TAMM41: variants seen among roughly 807,000 people sequenced by gnomAD.
TAMM41 encodes the protein phosphatidate cytidylyltransferase, mitochondrial.
A neutral mutation model predicts 44.1 loss-of-function variants in TAMM41; 36 were observed. The ratio of observed to expected loss-of-function variants is 0.82; its 90% CI spans 0.63 to 1.08. The LOEUF (loss-of-function observed/expected upper bound fraction) is 1.08, where lower values mean the gene tolerates loss of function less well. Ranked by LOEUF, TAMM41 falls within the 50% of genes least tolerant of loss-of-function variation. The pLI, the probability that TAMM41 is intolerant of heterozygous loss-of-function variation, is 0.00. For synonymous variants in TAMM41, 164 were observed against 153.1 expected (o/e 1.07, Z -0.53); for missense variants, 417 against 404.3 (o/e 1.03, Z -0.27).
At chr3:11,723,867 T>C in the TAMM41 span, among the ~76,000 whole-genome samples, 228 of 152,024 alleles carry the variant, frequency 1.5e-3, 1 homozygote, top group African/African-American at 5.2e-3. Flanking sequence ...GCCAGAAGTG[T>C]ATTTTAAAAA....
At chr3:11,773,159 A>G in the TAMM41 span, among the ~76,000 whole-genome samples, 1 of 152,070 alleles carries the variant, frequency 6.6e-6, no homozygotes, top group African/African-American at 2.4e-5. Context: ...GTTTCACCAT[A>G]TGGGACAGGC....
the TAMM41 span, among the ~76,000 whole-genome samples, chr3:11,742,224 C>G: frequency 6.7e-6 from 1 of 150,082 alleles, no homozygotes; most frequent in Non-Finnish European, 1.5e-5. Flanking sequence ...TAACCCCACT[C>G]CCCTCCCCTC....
At chr3:11,813,780 T>C (rs540840652) in intron 5 of TAMM41, among the ~76,000 whole-genome samples, 149 of 151,510 alleles carry the variant, frequency 9.8e-4, no homozygotes, top group Non-Finnish European at 1.7e-3. Flanking sequence ...TGGGACCCTG[T>C]CTCTACAAAA....
chr3:11,790,495 G>T lies in TAMM41; in HGVS notation c.*10C>A. ...TCATCTACACATAACATATATAAAA[G>T]CAAGCAAAATCAGGATGTTTTCCTC... On this transcript the variant is annotated 3_prime_UTR_variant, in exon 8 of 8. Transcript: ENST00000455809. The T allele has an allele frequency of 6.2e-7, 1 of 1,612,526 alleles. No individual in the cohort carries two copies. The highest frequency in any genetic ancestry group is 8.5e-7 in the Non-Finnish European group (1 of 1,178,728).
chr3:11,778,517 G>A, the TAMM41 span, among the ~76,000 whole-genome samples: 2 of 152,180 alleles, frequency 1.3e-5, no homozygotes, highest in Non-Finnish European at 2.9e-5. Context: ...GGAACTGACA[G>A]TTTCCTCAGC....
Position 11,838,373 on chromosome 3 carries a change from G to A in TAMM41, c.411+849C>T, listed in dbSNP as rs9812401. On this transcript the variant is annotated intron_variant, in intron 3 of 7. Transcript: ENST00000455809. ...TGGGATTGCAGGCATGTGCCACCAC[G>A]CCCAGGTACCTTTTTTGTATTTTTA... Among the ~76,000 whole-genome samples, 1,244 of 152,190 alleles carry A rather than the reference G, an allele frequency of 8.2e-3. 16 individuals carry two copies. Among genetic ancestry groups the A allele is most frequent in the African/African-American group, 0.028 (1,166 of 41,512 alleles).
At chr3:11,825,881 T>C (rs1575678425) in intron 4 of TAMM41, among the ~76,000 whole-genome samples, 2 of 152,064 alleles carry the variant, frequency 1.3e-5, no homozygotes, top group Admixed American at 1.3e-4. Flanking sequence ...AGCCTGGAAG[T>C]TGGGATTACA....
At chr3:11,805,581 C>G (rs2077884852) in intron 7 of TAMM41, among the ~76,000 whole-genome samples, 1 of 152,154 alleles carries the variant, frequency 6.6e-6, no homozygotes, top group Non-Finnish European at 1.5e-5. Context: ...CTTGTTGAAT[C>G]TTTCCAGTGA....
At position 11,829,729 on chromosome 3, in the gene TAMM41, C is replaced by A; in HGVS notation, c.547G>T (p.Gly183Cys). 1 of 1,614,070 alleles carries A rather than the reference C, an allele frequency of 6.2e-7. No individual in the cohort carries two copies. Reference sequence around the variant, plus strand: ...CCATACTAACCTGAATAGGAGAGACCGGCAATCTCTATGAAGAGGTCTTCT... The same window carrying A: ...CCATACTAACCTGAATAGGAGAGACAGGCAATCTCTATGAAGAGGTCTTCT... ...SEEDLFIEIAGLSYSGDFRMV... is the reference protein window; with the variant it reads ...SEEDLFIEIACLSYSGDFRMV... Residue 183 changes from glycine to cysteine, a missense_variant, in exon 4 of 8, where the codon GGT (glycine) becomes TGT (cysteine). By Grantham distance (159) the Gly-to-Cys change is radical. Coordinates refer to ENST00000455809, the MANE Select transcript of TAMM41 (RefSeq NM_001284401.2).
chr3:11,817,615 T>C (rs1481258079), intron 4 of TAMM41, among the ~76,000 whole-genome samples: 1 of 152,178 alleles, frequency 6.6e-6, no homozygotes, highest in African/African-American at 2.4e-5. Flanking sequence ...GCTAACTTGT[T>C]TTAGCTTTTC....
chr3:11,752,137 C>T, the TAMM41 span, among the ~76,000 whole-genome samples: 27 of 152,126 alleles, frequency 1.8e-4, no homozygotes, highest in South Asian at 8.3e-4. Flanking sequence ...TGCGGACCTT[C>T]GCGGCGAGTG....
the TAMM41 span, among the ~76,000 whole-genome samples, chr3:11,752,967 A>C: frequency 3.3e-5 from 5 of 152,002 alleles, no homozygotes; most frequent in Non-Finnish European, 5.9e-5. Context: ...TATGAAGCTT[A>C]TATCACAGTG....
chr3:11,725,236 C>A, the TAMM41 span, among the ~76,000 whole-genome samples: 2 of 135,158 alleles, frequency 1.5e-5, no homozygotes, highest in Admixed American at 7.4e-5. Flanking sequence ...CCTCCTTCTC[C>A]TTCTCCTCCC....
intron 7 of TAMM41, among the ~76,000 whole-genome samples, chr3:11,804,775 C>A (rs1257012884): frequency 1.3e-5 from 2 of 152,070 alleles, no homozygotes; most frequent in Non-Finnish European, 2.9e-5. Context: ...AAGCCATGCA[C>A]CCAAATGGTA....
At chr3:11,804,303 A>C (rs1184008450) in intron 7 of TAMM41, among the ~76,000 whole-genome samples, 1 of 152,156 alleles carries the variant, frequency 6.6e-6, no homozygotes, top group Non-Finnish European at 1.5e-5. Flanking sequence ...TAAATAACAG[A>C]CAGAAGAGTA....
the TAMM41 span, among the ~76,000 whole-genome samples, chr3:11,740,454 G>C: frequency 6.6e-6 from 1 of 152,126 alleles, no homozygotes. Flanking sequence ...TATTGCCATT[G>C]ACACAATCCA....
At chr3:11,812,774 T>G (rs771877559) in intron 5 of TAMM41, among the ~76,000 whole-genome samples, 3 of 152,204 alleles carry the variant, frequency 2.0e-5, no homozygotes, top group Non-Finnish European at 4.4e-5. Context: ...GAGTACCCCT[T>G]GCCCAATTTT....
At chr3:11,771,017 A>G in the TAMM41 span, among the ~76,000 whole-genome samples, 5 of 150,158 alleles carry the variant, frequency 3.3e-5, no homozygotes, top group Non-Finnish European at 7.4e-5. Context: ...CAGCTGGTCC[A>G]CCCTTCTCCC....
chr3:11,769,354 G>C, the TAMM41 span, among the ~76,000 whole-genome samples: 3,041 of 134,520 alleles, frequency 0.023, 58 homozygotes, highest in East Asian at 0.09. Flanking sequence ...CCTCCCAAGA[G>C]ATTTTTTTTT....
Sources: allele counts gnomAD v4.1 joint callset (sites outside exome capture counted in the v4.1 genomes callset), GRCh38; gene constraint gnomAD v4.1.1; transcripts MANE v1.5; gene names NCBI Gene and HGNC (gene_info 2026-07-23, HGNC 2026-07-21).